The following LMO1 variants were observed in gnomAD, a reference collection of about 807,000 sequenced individuals.
LMO1 encodes the protein LIM domain only 1.
A neutral mutation model predicts 18.0 loss-of-function variants in LMO1; 10 were observed. The ratio of observed to expected loss-of-function variants is 0.55; its 90% CI spans 0.34 to 0.94. The LOEUF (loss-of-function observed/expected upper bound fraction) is 0.94. Ranked by LOEUF, LMO1 falls within the 40% of genes least tolerant of loss-of-function variation. LMO1 has a pLI of 0.02. For missense variants in LMO1, 183 were observed against 205.7 expected (o/e 0.89, Z 0.68); for synonymous variants, 77 against 77.9 (o/e 0.99, Z 0.06).
Position 8,230,500 on chromosome 11 carries a change from C to T in LMO1, c.30G>A (p.Val10=). The T allele has an allele frequency of 6.2e-7, 1 of 1,611,460 alleles. No homozygotes were observed. Among genetic ancestry groups the T allele is most frequent in the Non-Finnish European group, 8.5e-7 (1 of 1,179,836 alleles). MMVLDKEDG[V]PMLSVQPKGK... ...CTTTGGGCTGGACGGAGAGCATCGGCACGCCTGCAGACGGACAGACAGACA... is the reference window on the plus strand; with the variant it reads ...CTTTGGGCTGGACGGAGAGCATCGGTACGCCTGCAGACGGACAGACAGACA... Residue 10 remains valine, a synonymous_variant, in exon 2 of 4, where the codon GTG becomes GTA. Coordinates refer to ENST00000335790, the MANE Select transcript of LMO1 (RefSeq NM_002315.3).
At chr11:8,228,478 C>T (rs1952589642) in intron 2 of LMO1, among the ~76,000 whole-genome samples, 1 of 152,250 alleles carries the variant, frequency 6.6e-6, no homozygotes, top group Non-Finnish European at 1.5e-5. Flanking sequence ...GGCTAGGCCA[C>T]AGCATCTGCC....
rs770912955 is a variant in LMO1 at position 8,230,498 on chromosome 11, G to C, written c.32C>G (p.Pro11Arg). 1.9e-6 allele frequency: 3 copies of C among 1,611,764 alleles called. No homozygotes were observed. Among genetic ancestry groups the C allele is most frequent in the Non-Finnish European group, 2.5e-6 (3 of 1,179,856 alleles). ...CCCTTTGGGCTGGACGGAGAGCATC[G>C]GCACGCCTGCAGACGGACAGACAGA... MMVLDKEDGVPMLSVQPKGKQ... is the reference protein window; with the variant it reads MMVLDKEDGVRMLSVQPKGKQ... The change falls in exon 2 of 4, where the codon CCG becomes CGG. Residue 11 changes from proline to arginine, a missense_variant. By Grantham distance (103) the Pro-to-Arg change is moderately radical. Coordinates refer to ENST00000335790, the MANE Select transcript of LMO1 (RefSeq NM_002315.3).
intron 1 of LMO1, among the ~76,000 whole-genome samples, 188 bp downstream of exon 1, chr11:8,263,150 C>A (rs1400903390): frequency 1.3e-5 from 2 of 151,520 alleles, no homozygotes; most frequent in South Asian, 2.1e-4. Context: ...CCTCCTCCCC[C>A]CGCAAGTTCC....
upstream of LMO1, among the ~76,000 whole-genome samples, chr11:8,265,897 C>T (rs1287231557): frequency 6.6e-6 from 1 of 152,222 alleles, no homozygotes; most frequent in Non-Finnish European, 1.5e-5. Flanking sequence ...CAGGGGCTGG[C>T]CCTGACCCAC....
At chr11:8,242,363 G>A (rs548472896) in intron 1 of LMO1, among the ~76,000 whole-genome samples, 8 of 152,310 alleles carry the variant, frequency 5.3e-5, no homozygotes, top group Non-Finnish European at 8.8e-5. Context: ...CAGCAGCTCT[G>A]GCTGTCACCT....
intron 1 of LMO1, among the ~76,000 whole-genome samples, chr11:8,256,994 A>C (rs1847109021): frequency 6.6e-6 from 1 of 152,212 alleles, no homozygotes. Flanking sequence ...AGAGTCCCAG[A>C]TGAATGCAAT....
chr11:8,263,991 AG>A (rs1847234320), upstream of LMO1: 1 of 426,630 alleles, frequency 2.3e-6, no homozygotes, highest in Non-Finnish European at 3.2e-6. Context: ...CGCCACCTGG[AG>A]GCTTCTAGGT....
intron 1 of LMO1, among the ~76,000 whole-genome samples, chr11:8,236,130 G>T (rs1433796871): frequency 6.6e-6 from 1 of 152,182 alleles, no homozygotes; most frequent in Non-Finnish European, 1.5e-5. Flanking sequence ...AACTCAGAGG[G>T]TGACAGCTCC....
Position 8,224,550 on chromosome 11 carries a change from T to C in LMO1, c.*66A>G, listed in dbSNP as rs1192301182. On this transcript the variant is annotated 3_prime_UTR_variant, in exon 4 of 4. Transcript: ENST00000335790. ...AGCCTGCACTGGTAGAGTGGCTGGC[T>C]GGCCGGCCAGGCAGGTGGGCAGGCG... is the stretch of plus-strand genomic sequence containing the variant. The C allele has an allele frequency of 7.1e-6, 7 of 988,036 alleles. No individual in the cohort carries two copies. The highest frequency in any genetic ancestry group is 3.0e-4 in the Middle Eastern group (1 of 3,382). 61.2% of individuals were successfully genotyped at this position (988,036 alleles called of 1,614,324 possible).
At chr11:8,230,008 G>T (rs936933439) in intron 2 of LMO1, among the ~76,000 whole-genome samples, 3 of 152,358 alleles carry the variant, frequency 2.0e-5, no homozygotes, top group Non-Finnish European at 2.9e-5. Context: ...GGGGGGCGGA[G>T]CCAGACTGGG....
At chr11:8,228,291 G>A (rs937913278) in intron 2 of LMO1, among the ~76,000 whole-genome samples, 1 of 152,226 alleles carries the variant, frequency 6.6e-6, no homozygotes, top group African/African-American at 2.4e-5. Flanking sequence ...GCTCCTCCTT[G>A]CTTCTTTCCT....
chr11:8,225,264 A>G (rs1952513833), intron 3 of LMO1, among the ~76,000 whole-genome samples: 1 of 151,808 alleles, frequency 6.6e-6, no homozygotes, highest in Non-Finnish European at 1.5e-5. Flanking sequence ...ATACAAAAAA[A>G]TTTAGCTGGT....
intron 1 of LMO1, among the ~76,000 whole-genome samples, chr11:8,259,301 C>T (rs1847148234): frequency 6.6e-6 from 1 of 152,130 alleles, no homozygotes; most frequent in Non-Finnish European, 1.5e-5. Context: ...GCTTCTTCAC[C>T]CAAGGCTCGG....
chr11:8,252,943 A>C (rs1847028796), intron 1 of LMO1, among the ~76,000 whole-genome samples: 1 of 152,382 alleles, frequency 6.6e-6, no homozygotes, highest in Non-Finnish European at 1.5e-5. Context: ...TAATTAATAC[A>C]CTGCCACAGT....
In LMO1 at chr11:8,263,588, G is replaced by T. The variant is rs139377802; in HGVS notation, c.-226C>A. On this transcript the variant is annotated 5_prime_UTR_variant, in exon 1 of 4. Coordinates refer to ENST00000335790, the MANE Select transcript of LMO1 (RefSeq NM_002315.3). ...TACTTTTGTGCCTCAGAATTGGAAG[G>T]AACTACGAACTGCAATTTAGAGAGA... 1.9e-3 allele frequency: 2,601 copies of T among 1,369,802 alleles called. 44 individuals are homozygous for T. In the African/African-American group the frequency reaches 0.034, roughly 18 times the overall value. The allele number at this position is 1,369,802 out of a possible 1,614,324, so 84.9% of individuals were successfully genotyped here.
At chr11:8,235,060 A>G (rs1018518762) in intron 1 of LMO1, among the ~76,000 whole-genome samples, 18 of 152,194 alleles carry the variant, frequency 1.2e-4, no homozygotes, top group African/African-American at 4.3e-4. Flanking sequence ...TGAGGATAGA[A>G]TGAGGTTCTT....
At chr11:8,241,292 A>AT (rs1335541263) in intron 1 of LMO1, among the ~76,000 whole-genome samples, 1 of 152,118 alleles carries the variant, frequency 6.6e-6, no homozygotes, top group East Asian at 1.9e-4. Flanking sequence ...TGCATCTTGC[A>AT]TTTCCACAGC....
At chr11:8,235,028 G>C (rs1952737369) in intron 1 of LMO1, among the ~76,000 whole-genome samples, 1 of 152,156 alleles carries the variant, frequency 6.6e-6, no homozygotes, top group Admixed American at 6.5e-5. Context: ...GAGCCACAGT[G>C]GTCTTTCCGC....
chr11:8,239,221 A>T (rs992948769), intron 1 of LMO1, among the ~76,000 whole-genome samples: 1 of 152,186 alleles, frequency 6.6e-6, no homozygotes, highest in African/African-American at 2.4e-5. Context: ...TGCAGCCTGG[A>T]TGCCAGATGG....
Sources: gnomAD v4.1 joint callset for allele counts (sites outside exome capture counted in the v4.1 genomes callset) on GRCh38, gnomAD v4.1.1 for gene constraint, MANE v1.5 for transcripts, NCBI Gene and HGNC (gene_info 2026-07-23, HGNC 2026-07-21) for gene names.